The following HDX variants were observed in gnomAD, a reference collection of about 807,000 sequenced individuals.
HDX encodes the protein highly divergent homeobox, also known as chromosome X open reading frame 43.
HDX carries 19 observed loss-of-function variants against 45.2 expected under a neutral mutation model. The ratio of observed to expected loss-of-function variants is 0.42; its 90% CI spans 0.29 to 0.62. The LOEUF is 0.62. HDX is among the 20% of genes least tolerant of loss of function. The probability of loss-of-function intolerance (pLI) is 0.20; values close to 1 mark genes in which losing one functional copy is unlikely to be tolerated. For synonymous variants in HDX, 188 were observed against 172.8 expected, an observed-to-expected ratio of 1.09 and a Z score of -0.69; for missense variants, 532 against 493.9, an observed-to-expected ratio of 1.08 and a Z score of -0.73.
At chrX:84,404,470 T>C (rs1327305791) in intron 5 of HDX, among the ~76,000 whole-genome samples, 1 of 111,497 alleles carries the variant, frequency 9.0e-6, no homozygotes, top group Non-Finnish European at 1.9e-5. Flanking sequence ...TCATAACATC[T>C]GATCTAAGGT....
chrX:84,417,765 A>C (rs1299896910), intron 5 of HDX, among the ~76,000 whole-genome samples: 3 of 112,055 alleles, frequency 2.7e-5, no homozygotes, highest in Non-Finnish European at 5.6e-5. Context: ...AAGGAGCTGG[A>C]TTCTGATTTG....
chrX:84,352,254 A>G (rs1055524889), intron 6 of HDX, among the ~76,000 whole-genome samples: 2 of 111,883 alleles, frequency 1.8e-5, no homozygotes, highest in African/African-American at 6.5e-5. Context: ...GATGGGGGGA[A>G]TTTTCCCTTC....
chrX:84,392,691 C>T (rs1235051770), intron 5 of HDX, among the ~76,000 whole-genome samples: 1 of 109,191 alleles, frequency 9.2e-6, no homozygotes, highest in East Asian at 2.9e-4. Context: ...ATTGGATTGC[C>T]CTCTTTATTT....
chrX:84,354,109 C>T (rs1686072773), intron 6 of HDX, among the ~76,000 whole-genome samples: 1 of 111,478 alleles, frequency 9.0e-6, no homozygotes, highest in African/African-American at 3.3e-5. Flanking sequence ...CACTCTAAGC[C>T]TCAGATTATT....
At chrX:84,391,005 A>T (rs1261003453) in intron 5 of HDX, among the ~76,000 whole-genome samples, 1 of 111,895 alleles carries the variant, frequency 8.9e-6, no homozygotes, top group Admixed American at 9.4e-5. Flanking sequence ...TATACAATAC[A>T]TTGTTGCTAA....
At chrX:84,389,905 T>C (rs1232502195) in intron 5 of HDX, among the ~76,000 whole-genome samples, 1 of 111,122 alleles carries the variant, frequency 9.0e-6, no homozygotes, top group African/African-American at 3.3e-5. Context: ...GTATCTAGGA[T>C]CCCATAGGTC....
intron 2 of HDX, among the ~76,000 whole-genome samples, chrX:84,477,227 A>G (rs2148160602): frequency 9.0e-6 from 1 of 111,478 alleles, no homozygotes; most frequent in African/African-American, 3.3e-5. Flanking sequence ...TCTGAGGACA[A>G]TGGTATACTT....
intron 5 of HDX, among the ~76,000 whole-genome samples, chrX:84,412,680 G>T (rs1569325958): frequency 9.0e-6 from 1 of 111,102 alleles, no homozygotes; most frequent in East Asian, 2.8e-4. Context: ...TATCTCCAAG[G>T]GGCTTCCTGT....
intron 5 of HDX, among the ~76,000 whole-genome samples, chrX:84,411,456 A>G (rs1300866194): frequency 1.8e-5 from 2 of 111,715 alleles, no homozygotes; most frequent in Non-Finnish European, 3.8e-5. Context: ...TAATTTCTGT[A>G]TAATTGTATG....
intron 1 of HDX, among the ~76,000 whole-genome samples, chrX:84,499,065 T>C (rs2041067510): frequency 8.9e-6 from 1 of 112,078 alleles, no homozygotes; most frequent in Non-Finnish European, 1.9e-5. Context: ...AATAATACTA[T>C]ACACTCTTTC....
chrX:84,394,819 C>G (rs2038521509), intron 5 of HDX, among the ~76,000 whole-genome samples: 1 of 110,360 alleles, frequency 9.1e-6, no homozygotes, highest in African/African-American at 3.3e-5. Context: ...ATAGCTACCT[C>G]TGCTTGCTTT....
At chrX:84,381,066 A>G (rs1353296355) in intron 5 of HDX, among the ~76,000 whole-genome samples, 1 of 111,371 alleles carries the variant, frequency 9.0e-6, no homozygotes, top group Non-Finnish European at 1.9e-5. Flanking sequence ...CTATATGTCA[A>G]CAGTGAACAA....
At chrX:84,348,073 C>T (rs762615375) in intron 6 of HDX, among the ~76,000 whole-genome samples, 20 of 110,611 alleles carry the variant, frequency 1.8e-4, no homozygotes, top group Non-Finnish European at 3.4e-4. Context: ...CCCTTTTTTT[C>T]TCTTTCTGGT....
At chrX:84,457,748 G>A (rs2040143890) in intron 4 of HDX, among the ~76,000 whole-genome samples, 2 of 111,702 alleles carry the variant, frequency 1.8e-5, no homozygotes, top group Admixed American at 1.9e-4. Context: ...TTTCAGTCCA[G>A]AAGTGGCAGT....
intron 5 of HDX, among the ~76,000 whole-genome samples, chrX:84,373,857 G>A (rs2037966985): frequency 9.0e-6 from 1 of 110,836 alleles, no homozygotes; most frequent in Admixed American, 9.6e-5. Context: ...ACAAGACAGG[G>A]ATGCCCTCTC....
chrX:84,360,632 C>T (rs1277902403), intron 6 of HDX, among the ~76,000 whole-genome samples: 1 of 111,027 alleles, frequency 9.0e-6, no homozygotes, highest in African/African-American at 3.3e-5. Flanking sequence ...TAGAGTGTGC[C>T]TAATGAGGAC....
intron 5 of HDX, among the ~76,000 whole-genome samples, chrX:84,413,649 T>C (rs759029546): frequency 1.5e-3 from 167 of 111,624 alleles, no homozygotes; most frequent in Admixed American, 5.9e-3. Context: ...GAGAGGAAAA[T>C]GAGACTTTTG....
At chrX:84,405,058 T>C (rs1289482148) in intron 5 of HDX, among the ~76,000 whole-genome samples, 3 of 111,112 alleles carry the variant, frequency 2.7e-5, no homozygotes, top group East Asian at 2.8e-4. Flanking sequence ...GCAAATTCAG[T>C]TGATAATTTT....
rs762781782 is a variant in HDX, at chrX:84,396,701, T to C, written c.1306-35089A>G. Among the ~76,000 whole-genome samples, 159 of 111,652 alleles carry C rather than the reference T, an allele frequency of 1.4e-3. 1 individual carries two copies. Among genetic ancestry groups the C allele is most frequent in the Non-Finnish European group, 1.4e-3 (73 of 53,081 alleles). ...TGGGTTGGGAAGGCCAGTCTCCAGG[T>C]CCTCAGGTAGTGTGTGCCTGTAAGT... On this transcript the variant is annotated intron_variant, in intron 5 of 10. Transcript: ENST00000373177.
Sources: allele counts gnomAD v4.1 joint callset (sites outside exome capture counted in the v4.1 genomes callset), GRCh38; gene constraint gnomAD v4.1.1; transcripts MANE v1.5; gene names NCBI Gene and HGNC (gene_info 2026-07-23, HGNC 2026-07-21).